TRIM37: variants seen among roughly 807,000 people sequenced by gnomAD.
TRIM37 encodes E3 ubiquitin-protein ligase TRIM37.
In TRIM37, 80 loss-of-function variants were observed where a neutral mutation model predicts 129.8. The ratio of observed to expected loss-of-function variants is 0.62; its 90% CI spans 0.51 to 0.74. The LOEUF (loss-of-function observed/expected upper bound fraction) is 0.74. Among genes scored for constraint, TRIM37 ranks in the 30% least tolerant of loss-of-function variants. The pLI, the probability that TRIM37 is intolerant of heterozygous loss-of-function variation, is 0.00. For missense variants in TRIM37, 1,054 were observed against 1,176.5 expected (o/e 0.90, Z 1.52); for synonymous variants, 389 against 387.1 (o/e 1.00, Z -0.06).
intron 9 of TRIM37, among the ~76,000 whole-genome samples, chr17:59,068,641 C>A (rs2055878972): frequency 6.6e-6 from 1 of 152,098 alleles, no homozygotes; most frequent in African/African-American, 2.4e-5. Flanking sequence ...TGCTGTCATT[C>A]AGAAATGAGA....
intron 3 of TRIM37, among the ~76,000 whole-genome samples, chr17:59,090,911 C>T (rs1263863283): frequency 2.0e-5 from 3 of 152,086 alleles, no homozygotes; most frequent in East Asian, 1.9e-4. Flanking sequence ...CAGGTATGAG[C>T]GAGCCACTGT....
At chr17:58,990,659 T>G (rs1441749921) in intron 24 of TRIM37, among the ~76,000 whole-genome samples, 2 of 149,476 alleles carry the variant, frequency 1.3e-5, no homozygotes, top group Non-Finnish European at 3.0e-5. Context: ...GGTGTGGTGG[T>G]GCGCACCTGT....
At chr17:58,992,788 C>T (rs192663700) in intron 24 of TRIM37, among the ~76,000 whole-genome samples, 2 of 152,298 alleles carry the variant, frequency 1.3e-5, no homozygotes, top group East Asian at 3.9e-4. Flanking sequence ...TAATGACACC[C>T]ACAGCATTTC....
At chr17:59,076,502 T>C (rs2042826377) in intron 7 of TRIM37, among the ~76,000 whole-genome samples, 1 of 152,244 alleles carries the variant, frequency 6.6e-6, no homozygotes, top group African/African-American at 2.4e-5. Context: ...GCAATGAGCC[T>C]TGATTGCACC....
At chr17:59,101,693 T>C (rs796291964) in intron 2 of TRIM37, among the ~76,000 whole-genome samples, 35 of 118,592 alleles carry the variant, frequency 3.0e-4, no homozygotes, top group African/African-American at 5.6e-4. Flanking sequence ...TATATATATA[T>C]ATACACACAC....
intron 8 of TRIM37, 117 bp from the exon 9 acceptor site, chr17:59,071,064 T>G: frequency 1.7e-6 from 2 of 1,180,938 alleles, no homozygotes; most frequent in East Asian, 2.6e-5. Flanking sequence ...TAAAAATAAC[T>G]CAAAGTGAGC....
chr17:58,975,323 C>G, the TRIM37 span, among the ~76,000 whole-genome samples: 1 of 152,092 alleles, frequency 6.6e-6, no homozygotes, highest in East Asian at 1.9e-4. Flanking sequence ...AAGGGAAAAC[C>G]AAAGCAGGGA....
chr17:59,089,368 T>C (rs2044068233), intron 3 of TRIM37, among the ~76,000 whole-genome samples: 1 of 152,104 alleles, frequency 6.6e-6, no homozygotes, highest in Non-Finnish European at 1.5e-5. Flanking sequence ...TTTGGCCAGG[T>C]GCAGTGGCTC....
chr17:58,980,795 T>C (rs1355458543), downstream of TRIM37: 3 of 1,614,082 alleles, frequency 1.9e-6, no homozygotes, highest in Non-Finnish European at 2.5e-6. The surrounding 1 kb of genome is among the most constrained non-coding windows in gnomAD (Gnocchi z 4.7). Flanking sequence ...CTCAAAGAAG[T>C]GGCACAGATT....
At chr17:59,040,008 C>T (rs2038976884) in intron 17 of TRIM37, among the ~76,000 whole-genome samples, 1 of 151,952 alleles carries the variant, frequency 6.6e-6, no homozygotes, top group African/African-American at 2.4e-5. Context: ...GGTGATCCTC[C>T]CACCTCAGCT....
rs140656626 is a variant in TRIM37 at position 59,077,373 on chromosome 17, C to G, written c.617-1659G>C. On this transcript the variant is annotated intron_variant, in intron 7 of 23. Coordinates refer to ENST00000262294, the MANE Select transcript of TRIM37 (RefSeq NM_015294.6). ...GAACTTTTATTTTTGAAACAAAACT[C>G]AGAATTTCTAGGTTGCAAAAAGAGT... Among the ~76,000 whole-genome samples, 187 of 151,832 alleles carry G rather than the reference C, an allele frequency of 1.2e-3. 2 individuals are homozygous for G. In the Middle Eastern group the frequency reaches 0.017, roughly 14 times the overall value.
At chr17:59,012,243 C>T (rs1322208431) in intron 22 of TRIM37, 85 bp downstream of exon 22, 5 of 901,582 alleles carry the variant, frequency 5.5e-6, no homozygotes, top group Non-Finnish European at 9.1e-6. Flanking sequence ...CCACCACCAC[C>T]ACCACCACCA....
chr17:59,041,537 TATGCATCAGTGA>T (rs2039153250), intron 17 of TRIM37, among the ~76,000 whole-genome samples: 1 of 152,246 alleles, frequency 6.6e-6, no homozygotes, highest in Non-Finnish European at 1.5e-5. Context: ...TTAATTTCTC[TATGCATCAGTGA>T]ATGTATCACA....
intron 16 of TRIM37, among the ~76,000 whole-genome samples, chr17:59,042,213 A>G (rs1296134486): frequency 1.3e-5 from 2 of 150,798 alleles, no homozygotes; most frequent in Admixed American, 1.3e-4. Context: ...TGTCTCTACT[A>G]AAAATACAAA....
chr17:59,048,683 G>A (rs1317402308), intron 15 of TRIM37, among the ~76,000 whole-genome samples: 1 of 151,786 alleles, frequency 6.6e-6, no homozygotes, highest in Admixed American at 6.6e-5. Flanking sequence ...TGCAACCTCC[G>A]CCTCCTAGGT....
downstream of TRIM37, among the ~76,000 whole-genome samples, chr17:58,979,486 C>T (rs1240837013): frequency 6.6e-6 from 1 of 152,170 alleles, no homozygotes; most frequent in East Asian, 1.9e-4. Flanking sequence ...GATTTCTAAA[C>T]AAGAATAGAA....
At chr17:59,091,514 T>C (rs1226900106) in intron 2 of TRIM37, among the ~76,000 whole-genome samples, 174 bp from the exon 3 acceptor site, 4 of 131,058 alleles carry the variant, frequency 3.1e-5, no homozygotes, top group East Asian at 2.0e-4. Flanking sequence ...ACATATCATA[T>C]ATATATAATG....
chr17:59,104,444 A>G, intron 1 of TRIM37, 50 bp from the exon 2 acceptor site: 1 of 1,527,632 alleles, frequency 6.5e-7, no homozygotes, highest in Non-Finnish European at 9.1e-7. Flanking sequence ...TACTGAATCA[A>G]GAGTAAAAGG....
rs1366375705 is a variant in TRIM37 at position 59,047,708 on chromosome 17, C to T, written c.1642G>A (p.Glu548Lys). ...ASSTATSNTE[E>K]NDIDEETMSG... The stretch of plus-strand genomic sequence containing the variant: ...ATAGTTTCTTCATCAATATCATTTT[C>T]TTCTGTATTACTTGTTGCTGTGGAA... The change falls in exon 16 of 24, where the codon GAA (glutamate) becomes AAA (lysine). Residue 548 changes from glutamate to lysine, a missense_variant. Transcript: ENST00000262294. 6.2e-7 allele frequency: 1 copy of T among 1,613,860 alleles called. No homozygotes were observed. The highest frequency in any genetic ancestry group is 1.7e-5 in the Admixed American group (1 of 59,994).
Sources: allele counts gnomAD v4.1 joint callset (sites outside exome capture counted in the v4.1 genomes callset), GRCh38; gene constraint gnomAD v4.1.1; non-coding constraint Gnocchi (gnomAD v3.1); transcripts MANE v1.5; gene names NCBI Gene and HGNC (gene_info 2026-07-23, HGNC 2026-07-21).